DCC: variants seen among roughly 807,000 people sequenced by gnomAD.
DCC encodes the protein DCC netrin 1 receptor, also known as netrin receptor DCC.
A neutral mutation model predicts 172.5 loss-of-function variants in DCC; 58 were observed. The ratio of observed to expected loss-of-function variants is 0.34; its 90% CI spans 0.27 to 0.42. The LOEUF (loss-of-function observed/expected upper bound fraction) is 0.42. Among genes scored for constraint, DCC ranks in the 10% least tolerant of loss-of-function variants. The pLI, the probability that DCC is intolerant of heterozygous loss-of-function variation, is 1.00. For synonymous variants in DCC, 709 were observed against 644.5 expected (o/e 1.10, Z -1.52); for missense variants, 1,740 against 1,791.0 (o/e 0.97, Z 0.51).
chr18:52,680,218 G>A (rs1173500701), intron 1 of DCC, among the ~76,000 whole-genome samples: 2 of 152,080 alleles, frequency 1.3e-5, no homozygotes, highest in Admixed American at 1.3e-4. Flanking sequence ...TTACATTATG[G>A]CAAACTTTTA....
At chr18:52,824,977 T>C (rs2038484534) in intron 2 of DCC, among the ~76,000 whole-genome samples, 1 of 151,776 alleles carries the variant, frequency 6.6e-6, no homozygotes, top group Non-Finnish European at 1.5e-5. Flanking sequence ...CATATATATA[T>C]ATATATGTCT....
At chr18:52,647,572 C>T (rs946224226) in intron 1 of DCC, among the ~76,000 whole-genome samples, 1 of 152,168 alleles carries the variant, frequency 6.6e-6, no homozygotes, top group Non-Finnish European at 1.5e-5. Context: ...CCCATTCCAT[C>T]ATCAACACTT....
intron 1 of DCC, among the ~76,000 whole-genome samples, chr18:52,366,200 C>T (rs557679374): frequency 1.2e-4 from 19 of 152,106 alleles, no homozygotes; most frequent in African/African-American, 3.4e-4. Context: ...CTAATGTGTC[C>T]GGAATTGGTG....
rs1031950393 is a variant in DCC, at chr18:53,220,699, G to A, written c.1911+5102G>A. Among the ~76,000 whole-genome samples, 8 of 152,288 alleles carry A rather than the reference G, an allele frequency of 5.3e-5. No homozygotes were observed. In the East Asian group the frequency reaches 5.8e-4, roughly 11 times the overall value. Reference sequence around the variant, plus strand: ...CACTTGTCCTCAATCATAACACAGAGCATTTCTGCCTGAGCATAGTATTTG... The same window carrying A: ...CACTTGTCCTCAATCATAACACAGAACATTTCTGCCTGAGCATAGTATTTG... On this transcript the variant is annotated intron_variant, in intron 12 of 28. Transcript: ENST00000442544.
At chr18:52,777,234 A>T (rs2037450704) in intron 2 of DCC, among the ~76,000 whole-genome samples, 1 of 152,150 alleles carries the variant, frequency 6.6e-6, no homozygotes, top group Non-Finnish European at 1.5e-5. Context: ...TGGCTGAAAA[A>T]CAGAAGTTTA....
At chr18:52,516,505 C>T (rs954060119) in intron 1 of DCC, among the ~76,000 whole-genome samples, 1 of 152,142 alleles carries the variant, frequency 6.6e-6, no homozygotes, top group Non-Finnish European at 1.5e-5. Context: ...AGGAACTGAA[C>T]AAACTGTACT....
At chr18:52,646,769 T>C (rs887044968) in intron 1 of DCC, among the ~76,000 whole-genome samples, 2 of 152,202 alleles carry the variant, frequency 1.3e-5, no homozygotes, top group African/African-American at 2.4e-5. Flanking sequence ...CTCCAGTACA[T>C]GGAGACATTC....
intron 1 of DCC, among the ~76,000 whole-genome samples, chr18:52,704,508 C>T (rs374514347): frequency 6.6e-6 from 1 of 152,198 alleles, no homozygotes; most frequent in East Asian, 1.9e-4. Flanking sequence ...TGTCCTCCTC[C>T]TATCCTGAAA....
intron 13 of DCC, among the ~76,000 whole-genome samples, chr18:53,317,800 G>A (rs2057361141): frequency 6.6e-6 from 1 of 152,264 alleles, no homozygotes; most frequent in South Asian, 2.1e-4. Context: ...TCTGATGGTA[G>A]TTTGTATTTC....
At chr18:52,865,544 A>T (rs2039212135) in intron 2 of DCC, among the ~76,000 whole-genome samples, 2 of 151,776 alleles carry the variant, frequency 1.3e-5, no homozygotes, top group Admixed American at 1.3e-4. Flanking sequence ...AACTGGCATG[A>T]GATGGTATCT....
intron 2 of DCC, among the ~76,000 whole-genome samples, chr18:52,796,212 A>G (rs1598811285): frequency 1.3e-5 from 2 of 151,856 alleles, no homozygotes. Context: ...TCTAGTCTAC[A>G]TCTCTTAATT....
intron 21 of DCC, 79 bp from the exon 22 acceptor site, chr18:53,435,065 T>C (rs1434819044): frequency 1.9e-6 from 2 of 1,038,894 alleles, no homozygotes; most frequent in East Asian, 2.4e-5. Context: ...TGTTATTGTG[T>C]GTGTTAAAAT....
intron 2 of DCC, among the ~76,000 whole-genome samples, chr18:52,820,411 AT>A (rs893653794): frequency 3.3e-5 from 5 of 152,218 alleles, no homozygotes; most frequent in Admixed American, 2.0e-4. Context: ...TTACACATGG[AT>A]TTTTTTATTT....
intron 2 of DCC, among the ~76,000 whole-genome samples, chr18:52,888,218 T>C (rs1031749044): frequency 1.3e-5 from 2 of 152,240 alleles, no homozygotes; most frequent in Admixed American, 6.5e-5. Flanking sequence ...CCTATACAAC[T>C]TCCTGGCTGC....
At chr18:52,745,229 G>C (rs1232098389) in intron 1 of DCC, among the ~76,000 whole-genome samples, 2 of 152,136 alleles carry the variant, frequency 1.3e-5, no homozygotes, top group South Asian at 2.1e-4. Flanking sequence ...ATCCTTCTAA[G>C]TTCACCTACT....
chr18:52,674,859 G>A (rs1329081852), intron 1 of DCC, among the ~76,000 whole-genome samples: 1 of 149,554 alleles, frequency 6.7e-6, no homozygotes. Flanking sequence ...CCAGGAAAGT[G>A]GAAGTCAGAC....
chr18:53,306,111 T>G (rs938851482), intron 13 of DCC, among the ~76,000 whole-genome samples: 2 of 152,138 alleles, frequency 1.3e-5, no homozygotes, highest in Admixed American at 1.3e-4. Context: ...GAGAATGGGT[T>G]GAAAACTGAA....
chr18:52,784,933 G>T lies in DCC; in HGVS notation c.412+32559G>T, dbSNP rs555157461. On this transcript the variant is annotated intron_variant, in intron 2 of 28. Transcript: ENST00000442544. ...GGGAGAGAGAGAGAGAAGAGAAGGG[G>T]GGAGAGAGAGAGAGAGACAGAGAGA... Among the ~76,000 whole-genome samples the T allele has an allele frequency of 7.9e-5, 11 of 138,960 alleles. No homozygotes were observed. In the South Asian group the frequency reaches 2.3e-3, roughly 28 times the overall value. The allele number at this position is 138,960 out of a possible 152,430, so 91.2% of individuals were successfully genotyped here. A position where few individuals can be genotyped will look rare whatever the true frequency, so the allele number is the denominator to read the frequency against.
At chr18:53,256,215 T>G (rs1336490397) in intron 12 of DCC, among the ~76,000 whole-genome samples, 1 of 152,156 alleles carries the variant, frequency 6.6e-6, no homozygotes, top group Non-Finnish European at 1.5e-5. Flanking sequence ...CTCTTTAGTT[T>G]AATTAGATCC....
Sources: allele counts gnomAD v4.1 joint callset (sites outside exome capture counted in the v4.1 genomes callset), GRCh38; gene constraint gnomAD v4.1.1; transcripts MANE v1.5; gene names NCBI Gene and HGNC (gene_info 2026-07-23, HGNC 2026-07-21).